LINGO2: variants seen among roughly 807,000 people sequenced by gnomAD.
LINGO2 encodes leucine rich repeat and Ig domain containing 2, also known as leucine-rich repeat and immunoglobulin-like domain-containing nogo receptor-interacting protein 2.
In LINGO2, 14 loss-of-function variants were observed where a neutral mutation model predicts 30.6. That is an observed-to-expected ratio of 0.46 (90% CI 0.30 to 0.72). LINGO2 has a LOEUF of 0.72. LINGO2 is among the 30% of genes least tolerant of loss of function. LINGO2 has a pLI of 0.07. For missense variants in LINGO2, 729 were observed against 751.7 expected, an observed-to-expected ratio of 0.97 and a Z score of 0.35; for synonymous variants, 317 against 288.5, an observed-to-expected ratio of 1.10 and a Z score of -1.00.
chr9:28,401,710 T>A (rs772203325), intron 2 of LINGO2, among the ~76,000 whole-genome samples: 8 of 152,160 alleles, frequency 5.3e-5, no homozygotes, highest in African/African-American at 7.2e-5. Flanking sequence ...GGAATTGCCA[T>A]ACTGTCTTCC....
the LINGO2 span, among the ~76,000 whole-genome samples, chr9:28,870,023 GAA>G: frequency 6.8e-6 from 1 of 146,698 alleles, no homozygotes; most frequent in Non-Finnish European, 1.5e-5. Context: ...TTCAGAATCA[GAA>G]AAAAAAAACC....
chr9:28,515,238 G>A lies in LINGO2; in HGVS notation c.-364-39213C>T, dbSNP rs557173111. Among the ~76,000 whole-genome samples the A allele has an allele frequency of 1.0e-3, 131 of 130,480 alleles. 1 individual carries two copies. The highest frequency in any genetic ancestry group is 1.5e-3 in the Non-Finnish European group (97 of 64,666). 85.6% of individuals were successfully genotyped at this position (130,480 alleles called of 152,430 possible). Reference sequence around the variant, plus strand: ...TTTTTTTTTTTTGAGATGGAGTCTCGCTCTGTCGCTCAGGCTGGACTGCAG... The same window carrying A: ...TTTTTTTTTTTTGAGATGGAGTCTCACTCTGTCGCTCAGGCTGGACTGCAG... On this transcript the variant is annotated intron_variant, in intron 1 of 5. Transcript: ENST00000379992.
At chr9:28,517,733 A>AGTACTTCTCGGCACAGGCTTAG (rs1820676305) in intron 1 of LINGO2, among the ~76,000 whole-genome samples, 1 of 152,212 alleles carries the variant, frequency 6.6e-6, no homozygotes, top group Admixed American at 6.5e-5. Context: ...AAGCAACATT[A>AGTACTTCTCGGCACAGGCTTAG]GTACTTCTCG....
intron 5 of LINGO2, among the ~76,000 whole-genome samples, chr9:27,977,241 C>G (rs1417523859): frequency 6.6e-6 from 1 of 150,878 alleles, no homozygotes; most frequent in East Asian, 2.0e-4. Flanking sequence ...GAGATAAAGA[C>G]AAGAGGAGAC....
At chr9:28,108,889 C>A (rs915254100) in intron 4 of LINGO2, among the ~76,000 whole-genome samples, 8 of 152,076 alleles carry the variant, frequency 5.3e-5, no homozygotes, top group African/African-American at 1.7e-4. Context: ...GGAGATTAGA[C>A]TCAAAGCCAT....
the LINGO2 span, among the ~76,000 whole-genome samples, chr9:29,176,013 C>T: frequency 1.2e-3 from 176 of 148,964 alleles, no homozygotes; most frequent in African/African-American, 4.2e-3. Context: ...CATCTTATGG[C>T]TCAGGCTGGC....
chr9:28,819,013 T>C, the LINGO2 span, among the ~76,000 whole-genome samples: 1 of 152,214 alleles, frequency 6.6e-6, no homozygotes, highest in African/African-American at 2.4e-5. Context: ...TTGTTGTTTT[T>C]TTTCTACCTG....
the LINGO2 span, among the ~76,000 whole-genome samples, chr9:28,733,958 G>T: frequency 6.6e-6 from 1 of 152,120 alleles, no homozygotes; most frequent in African/African-American, 2.4e-5. Flanking sequence ...GCAAGTTTAA[G>T]AAATAAAAAT....
chr9:27,946,258 C>T (rs920219057), downstream of LINGO2, among the ~76,000 whole-genome samples: 2 of 152,058 alleles, frequency 1.3e-5, no homozygotes, highest in African/African-American at 4.8e-5. Context: ...AAGGTGGTTA[C>T]AGAATGCATT....
At chr9:29,048,571 G>A in the LINGO2 span, among the ~76,000 whole-genome samples, 1 of 152,108 alleles carries the variant, frequency 6.6e-6, no homozygotes, top group Admixed American at 6.6e-5. Flanking sequence ...CTTCAAATTA[G>A]ACTACAGAGC....
chr9:29,179,330 T>C, the LINGO2 span, among the ~76,000 whole-genome samples: 1 of 151,464 alleles, frequency 6.6e-6, no homozygotes, highest in African/African-American at 2.4e-5. Flanking sequence ...AAAACACAGT[T>C]GCATTCTCAA....
the LINGO2 span, among the ~76,000 whole-genome samples, chr9:28,758,469 T>G: frequency 6.6e-6 from 1 of 152,102 alleles, no homozygotes; most frequent in Admixed American, 6.5e-5. Flanking sequence ...GGCAGCTGGT[T>G]TGTAAATTTC....
At chr9:28,244,478 A>T (rs1821925548) in intron 4 of LINGO2, among the ~76,000 whole-genome samples, 1 of 152,210 alleles carries the variant, frequency 6.6e-6, no homozygotes, top group Non-Finnish European at 1.5e-5. Context: ...AAGGAGACAG[A>T]GAAACAAAAA....
chr9:29,116,402 A>G, the LINGO2 span, among the ~76,000 whole-genome samples: 1 of 152,116 alleles, frequency 6.6e-6, no homozygotes, highest in African/African-American at 2.4e-5. Context: ...AATCTTCCAT[A>G]AAGATGGCAT....
rs539185225 is a variant in LINGO2, at chr9:28,595,653, A to G, written c.-365+74547T>C. 1.4e-4 allele frequency among the ~76,000 whole-genome samples: 22 copies of G among 152,240 alleles called. No individual in the cohort carries two copies. In the East Asian group the frequency reaches 1.9e-3, roughly 13 times the overall value. ...AACAGGATTTTTCTTCATGGAAACAACTAATACTTAATGTAATAGAAAACG... is the reference window on the plus strand; with the variant it reads ...AACAGGATTTTTCTTCATGGAAACAGCTAATACTTAATGTAATAGAAAACG... On this transcript the variant is annotated intron_variant, in intron 1 of 5. Transcript: ENST00000379992.
chr9:28,704,084 T>C, the LINGO2 span, among the ~76,000 whole-genome samples: 2 of 152,062 alleles, frequency 1.3e-5, no homozygotes, highest in African/African-American at 4.8e-5. Flanking sequence ...TCCTTCACTC[T>C]GAAGAACTTT....
At chr9:29,055,943 T>TATATAG in the LINGO2 span, among the ~76,000 whole-genome samples, 2 of 67,780 alleles carry the variant, frequency 3.0e-5, no homozygotes, top group Non-Finnish European at 7.0e-5. Context: ...TGTGTGTGTA[T>TATATAG]ATATACATAT....
At chr9:29,013,464 A>G in the LINGO2 span, among the ~76,000 whole-genome samples, 1 of 152,000 alleles carries the variant, frequency 6.6e-6, no homozygotes, top group African/African-American at 2.4e-5. Context: ...AGCATAGACC[A>G]TCCCAAGACA....
chr9:28,583,995 C>G (rs1824399585), intron 1 of LINGO2, among the ~76,000 whole-genome samples: 1 of 151,996 alleles, frequency 6.6e-6, no homozygotes, highest in Non-Finnish European at 1.5e-5. Flanking sequence ...TCAATTCTTT[C>G]TAGTACACCC....
Sources: gnomAD v4.1 joint callset for allele counts (sites outside exome capture counted in the v4.1 genomes callset) on GRCh38, gnomAD v4.1.1 for gene constraint, MANE v1.5 for transcripts, NCBI Gene and HGNC (gene_info 2026-07-23, HGNC 2026-07-21) for gene names.